Variants in LRRC75A observed in about 807,000 individuals in gnomAD.
LRRC75A encodes leucine rich repeat containing 75A.
LRRC75A carries 12 observed loss-of-function variants against 26.0 expected under a neutral mutation model. The ratio of observed to expected loss-of-function variants is 0.46; its 90% CI spans 0.30 to 0.75. The LOEUF is 0.75. Among genes scored for constraint, LRRC75A ranks in the 30% least tolerant of loss-of-function variants. The probability of loss-of-function intolerance (pLI) is 0.08; values close to 1 mark genes in which losing one functional copy is unlikely to be tolerated. For missense variants in LRRC75A, 410 were observed against 486.6 expected, an observed-to-expected ratio of 0.84 and a Z score of 1.48; for synonymous variants, 223 against 219.3, an observed-to-expected ratio of 1.02 and a Z score of -0.15.
At chr17:16,476,079 C>T (rs2093819067) in intron 1 of LRRC75A, among the ~76,000 whole-genome samples, 1 of 152,160 alleles carries the variant, frequency 6.6e-6, no homozygotes, top group Non-Finnish European at 1.5e-5. Flanking sequence ...CCTATAGTCC[C>T]AGCTACTTGG....
intron 2 of LRRC75A, among the ~76,000 whole-genome samples, chr17:16,457,090 C>A (rs1307398267): frequency 6.7e-6 from 1 of 150,252 alleles, no homozygotes; most frequent in Admixed American, 6.7e-5. Context: ...CAGCACCCGA[C>A]ACTGCTCTGG....
chr17:16,471,951 G>A (rs1269774387), intron 1 of LRRC75A, among the ~76,000 whole-genome samples: 1 of 152,194 alleles, frequency 6.6e-6, no homozygotes, highest in African/African-American at 2.4e-5. Context: ...CAGGGTTTCA[G>A]TTTGAGGAAG....
chr17:16,453,342 GCACACGCACACACACA>G (rs2093651196), intron 2 of LRRC75A, among the ~76,000 whole-genome samples: 1 of 128,996 alleles, frequency 7.8e-6, no homozygotes, highest in Admixed American at 7.7e-5. Flanking sequence ...ACGCACACAC[GCACACGCACACACACA>G]CACACGAGAA....
At chr17:16,479,102 G>T (rs951189322) in intron 1 of LRRC75A, among the ~76,000 whole-genome samples, 3 of 152,220 alleles carry the variant, frequency 2.0e-5, no homozygotes, top group Non-Finnish European at 4.4e-5. Flanking sequence ...GCCTCCGCTG[G>T]TGCCCTCGGT....
Position 16,443,548 on chromosome 17 carries a change from AC to A in LRRC75A, c.*39del. ...CTCCCCTGCCTGCCTTGCCCATTCTACCCAACAAGGACTCCCTGGTGAGGCC... is the reference window on the plus strand; with the variant it reads ...CTCCCCTGCCTGCCTTGCCCATTCTACCAACAAGGACTCCCTGGTGAGGCC... On this transcript the variant is annotated 3_prime_UTR_variant, in exon 4 of 4. Transcript: ENST00000470794. 1 of 1,461,424 alleles carries A rather than the reference AC, an allele frequency of 6.8e-7. No individual in the cohort carries two copies. Among genetic ancestry groups the A allele is most frequent in the Non-Finnish European group, 9.1e-7 (1 of 1,099,186 alleles). 90.5% of individuals were successfully genotyped at this position (1,461,424 alleles called of 1,614,324 possible). A position where few individuals can be genotyped will look rare whatever the true frequency, so the allele number is the denominator to read the frequency against.
At chr17:16,475,653 G>A (rs1421272855) in intron 1 of LRRC75A, among the ~76,000 whole-genome samples, 2 of 152,212 alleles carry the variant, frequency 1.3e-5, no homozygotes, top group Middle Eastern at 3.4e-3. Flanking sequence ...CTGTACTCCT[G>A]TAGTCCCGCT....
At position 16,462,297 on chromosome 17, in the gene LRRC75A, G is replaced by A; in HGVS notation, c.336C>T (p.Leu112=). The A allele has an allele frequency of 3.1e-6, 5 of 1,614,162 alleles. No individual in the cohort carries two copies. The highest frequency in any genetic ancestry group is 4.2e-6 in the Non-Finnish European group (5 of 1,180,018). ...RNLVDPITHD[L]IISLARYIHC... Reference sequence around the variant, plus strand: ...GGATGTAGCGTGCCAGGCTGATGATGAGGTCGTGTGTGATGGGGTCCACCA... The same window carrying A: ...GGATGTAGCGTGCCAGGCTGATGATAAGGTCGTGTGTGATGGGGTCCACCA... The change falls in exon 2 of 4, where the codon CTC becomes CTT. Residue 112 remains leucine, a synonymous_variant. Coordinates refer to ENST00000470794, the MANE Select transcript of LRRC75A (RefSeq NM_001113567.3). This position sits in a 1 kb window ranked among gnomAD's most constrained non-coding sequence, Gnocchi z 4.6.
intron 1 of LRRC75A, among the ~76,000 whole-genome samples, chr17:16,486,008 G>A (rs2093846422): frequency 6.6e-6 from 1 of 152,196 alleles, no homozygotes; most frequent in African/African-American, 2.4e-5. Flanking sequence ...TCAGAAGTCT[G>A]AGCCAAACCC....
At position 16,447,898 on chromosome 17, in the gene LRRC75A, G is replaced by T. The variant is rs1400335256; in HGVS notation, c.438C>A (p.Pro146=). 1.9e-6 allele frequency: 3 copies of T among 1,550,472 alleles called. No individual in the cohort carries two copies. In the African/African-American group the frequency reaches 4.1e-5, roughly 21 times the overall value. Residue 146 remains proline (P), a synonymous_variant, in exon 3 of 4, where the codon CCC becomes CCA. Coordinates refer to ENST00000470794, the MANE Select transcript of LRRC75A (RefSeq NM_001113567.3). ...CCCGGTGCCGCCTCCACTGGGAGTG[G>T]GGGCTGAGGTGGTATGTCAGCTGCC... ...LCRQLTYHLS[P]HSQWRRHRGL...
At chr17:16,464,655 G>A (rs903057484) in intron 1 of LRRC75A, among the ~76,000 whole-genome samples, 3 of 152,232 alleles carry the variant, frequency 2.0e-5, no homozygotes, top group Non-Finnish European at 4.4e-5. Context: ...TTGAGAATGT[G>A]TCAAAAGCCA....
intron 1 of LRRC75A, among the ~76,000 whole-genome samples, chr17:16,485,013 A>G (rs2093843069): frequency 6.7e-6 from 1 of 150,086 alleles, no homozygotes; most frequent in Admixed American, 6.6e-5. Context: ...CCACGTGGGC[A>G]CTGCTCAGGG....
At chr17:16,449,729 G>A (rs1012501499) in intron 2 of LRRC75A, among the ~76,000 whole-genome samples, 53 of 152,208 alleles carry the variant, frequency 3.5e-4, no homozygotes, top group Admixed American at 3.0e-3. Context: ...TGATTCTCCT[G>A]CCTCAGCCTC....
At chr17:16,453,029 G>A (rs1237576809) in intron 2 of LRRC75A, among the ~76,000 whole-genome samples, 1 of 152,066 alleles carries the variant, frequency 6.6e-6, no homozygotes, top group South Asian at 2.1e-4. Flanking sequence ...GGTAGTTCAC[G>A]CCTGTAATCC....
chr17:16,481,039 G>C (rs2093832808), intron 1 of LRRC75A, among the ~76,000 whole-genome samples: 1 of 152,230 alleles, frequency 6.6e-6, no homozygotes, highest in African/African-American at 2.4e-5. Flanking sequence ...GACTGCAGCA[G>C]GTCTTCTCAC....
At chr17:16,460,274 G>A (rs1278578515) in intron 2 of LRRC75A, among the ~76,000 whole-genome samples, 1 of 152,136 alleles carries the variant, frequency 6.6e-6, no homozygotes, top group African/African-American at 2.4e-5. Context: ...CCCAGTCTAC[G>A]ATAATTTGTT....
At position 16,491,627 on chromosome 17, in the gene LRRC75A, G is replaced by GGT. The variant is rs1274811166; in HGVS notation, c.246+117_246+118insAC. 137 of 705,252 alleles carry GGT rather than the reference G, an allele frequency of 1.9e-4. No individual in the cohort carries two copies. The highest frequency in any genetic ancestry group is 2.5e-4 in the Non-Finnish European group (127 of 513,944). The allele number at this position is 705,252 out of a possible 1,614,324, so 43.7% of individuals were successfully genotyped here. A position where few individuals can be genotyped will look rare whatever the true frequency, so the allele number is the denominator to read the frequency against. On this transcript the variant is annotated intron_variant, in intron 1 of 3. Coordinates refer to ENST00000470794, the MANE Select transcript of LRRC75A (RefSeq NM_001113567.3). This position sits in a 1 kb window ranked among gnomAD's most constrained non-coding sequence, Gnocchi z 5.9. Reference sequence around the variant, plus strand: ...GACAGGGCTCCATCCCCGCGGAAGGGGCCCCTGGGCGGTGCCCCTCGGTGC... The same window carrying GGT: ...GACAGGGCTCCATCCCCGCGGAAGGGGTGCCCCTGGGCGGTGCCCCTCGGTGC...
At chr17:16,451,514 C>G (rs1021220501) in intron 2 of LRRC75A, among the ~76,000 whole-genome samples, 1 of 151,386 alleles carries the variant, frequency 6.6e-6, no homozygotes, top group African/African-American at 2.4e-5. Flanking sequence ...CCAGCTGCTC[C>G]GGAGTGCTGA....
chr17:16,485,274 A>G (rs780121279), intron 1 of LRRC75A, among the ~76,000 whole-genome samples: 6 of 152,132 alleles, frequency 3.9e-5, no homozygotes, highest in Non-Finnish European at 7.4e-5. Flanking sequence ...TCTCAAATGT[A>G]TATGTTGAAA....
intron 2 of LRRC75A, among the ~76,000 whole-genome samples, chr17:16,457,076 G>T (rs1034295493): frequency 2.6e-5 from 4 of 152,112 alleles, no homozygotes; most frequent in African/African-American, 9.7e-5. Flanking sequence ...CCTGGGAGGG[G>T]TACCAGCACC....
Sources: gnomAD v4.1 joint callset for allele counts (sites outside exome capture counted in the v4.1 genomes callset) on GRCh38, gnomAD v4.1.1 for gene constraint, Gnocchi (gnomAD v3.1) non-coding constraint, MANE v1.5 for transcripts, NCBI Gene and HGNC (gene_info 2026-07-23, HGNC 2026-07-21) for gene names.